Variants in NFASC observed in about 807,000 individuals in gnomAD.
NFASC encodes the protein neurofascin.
A neutral mutation model predicts 147.5 loss-of-function variants in NFASC; 43 were observed. The observed-to-expected ratio is 0.29, with a 90% confidence interval of 0.23 to 0.38. The LOEUF is 0.38. Ranked by LOEUF, NFASC falls within the 10% of genes least tolerant of loss-of-function variation. The pLI is 1.00. For synonymous variants in NFASC, 622 were observed against 665.5 expected, an observed-to-expected ratio of 0.93 and a Z score of 1.01; for missense variants, 1,320 against 1,689.0, an observed-to-expected ratio of 0.78 and a Z score of 3.83.
Position 204,974,191 on chromosome 1 carries a change from G to A in NFASC, c.1292G>A (p.Arg431Gln), listed in dbSNP as rs555121823. ...CTGGGAATTTCAGATGTGCCGCCTC[G>A]GATGCTGTCGCCCCGGAACCAGCTC... is the stretch of plus-strand genomic sequence containing the variant. ...AFVSVLDVPPRMLSPRNQLIR... is the reference protein window; with the variant it reads ...AFVSVLDVPPQMLSPRNQLIR... The change falls in exon 13 of 30, where the codon CGG (arginine) becomes CAG (glutamine). Residue 431 changes from arginine (R) to glutamine (Q), a missense_variant. Arg to Gln is a conservative substitution (Grantham distance 43). This residue lies in a region of NFASC where 981 missense variants were observed against 1,289.5 expected (regional missense o/e 0.76). Transcript: ENST00000339876. 53 of 1,613,642 alleles carry A rather than the reference G, an allele frequency of 3.3e-5. No homozygotes were observed. The highest frequency in any genetic ancestry group is 8.9e-5 in the East Asian group (4 of 44,860).
rs892418111 is a variant in NFASC at position 205,015,802 on chromosome 1, C to A, written c.3492-506C>A. Among the ~76,000 whole-genome samples, 1 of 152,060 alleles carries A rather than the reference C, an allele frequency of 6.6e-6. No homozygotes were observed. The highest frequency in any genetic ancestry group is 1.5e-5 in the Non-Finnish European group (1 of 68,016). On this transcript the variant is annotated intron_variant, in intron 29 of 29. Transcript: ENST00000339876. This position sits in a 1 kb window ranked among gnomAD's most constrained non-coding sequence, Gnocchi z 4.0. Reference sequence around the variant, plus strand: ...AGAGAGGTGAGGGAGAGGTTTGTTCCTTTAAAAGCCTTGCTTGTTGTCAAG... The same window carrying A: ...AGAGAGGTGAGGGAGAGGTTTGTTCATTTAAAAGCCTTGCTTGTTGTCAAG...
intron 1 of NFASC, among the ~76,000 whole-genome samples, chr1:204,841,599 G>A (rs1320409298): frequency 2.0e-5 from 3 of 152,194 alleles, no homozygotes; most frequent in Admixed American, 6.5e-5. Context: ...ATCACCACCT[G>A]CCACCACTGT....
chr1:204,882,601 C>A (rs539947632), intron 1 of NFASC, among the ~76,000 whole-genome samples: 1 of 152,258 alleles, frequency 6.6e-6, no homozygotes, highest in South Asian at 2.1e-4. Context: ...CCCGTCTCCC[C>A]CACTGGAAGG....
intron 1 of NFASC, among the ~76,000 whole-genome samples, chr1:204,905,448 A>G (rs189845784): frequency 2.4e-4 from 36 of 151,966 alleles, no homozygotes; most frequent in African/African-American, 8.2e-4. Flanking sequence ...ATTTCCCTAA[A>G]GATTAGTGAC....
chr1:205,001,446 G>A (rs1160083280), intron 26 of NFASC, among the ~76,000 whole-genome samples, 160 bp downstream of exon 26: 1 of 152,146 alleles, frequency 6.6e-6, no homozygotes, highest in Non-Finnish European at 1.5e-5. Flanking sequence ...ATGCACTCAG[G>A]CGGCAGTGAG....
chr1:204,836,077 T>C (rs1211981073), intron 1 of NFASC, among the ~76,000 whole-genome samples: 1 of 152,114 alleles, frequency 6.6e-6, no homozygotes, highest in Non-Finnish European at 1.5e-5. Context: ...AATTTCAGGG[T>C]CAGAGAATTT....
intron 1 of NFASC, chr1:204,870,917 A>G: frequency 8.2e-7 from 1 of 1,215,708 alleles, no homozygotes; most frequent in African/African-American, 1.6e-5. Flanking sequence ...TTCAGGGAAA[A>G]GAAGGATCTT....
At chr1:204,839,770 T>C (rs1483121731) in intron 1 of NFASC, among the ~76,000 whole-genome samples, 1 of 152,180 alleles carries the variant, frequency 6.6e-6, no homozygotes, top group African/African-American at 2.4e-5. Context: ...ACTTAAATGG[T>C]GACAGAGCCT....
intron 3 of NFASC, chr1:204,945,096 G>A (rs2093625894): frequency 6.6e-6 from 1 of 152,198 alleles, no homozygotes; most frequent in Non-Finnish European, 1.5e-5. Context: ...AAAGTAAGGG[G>A]CTTAAAATGC....
intron 17 of NFASC, among the ~76,000 whole-genome samples, chr1:204,978,464 C>T (rs1178880782): frequency 6.6e-6 from 1 of 152,160 alleles, no homozygotes; most frequent in African/African-American, 2.4e-5. Flanking sequence ...TTTGTTGCCC[C>T]CACTCCCCTA....
rs767453033 is a variant in NFASC, at chr1:204,970,688, G to A, written c.1076G>A (p.Arg359Gln). The A allele has an allele frequency of 2.5e-6, 4 of 1,614,148 alleles. No homozygotes were observed. The highest frequency in any genetic ancestry group is 3.4e-6 in the Non-Finnish European group (4 of 1,180,028). ...GGCGAGGATGGGAGACTGGTGTGTC[G>A]AGCCAATGGAAACCCCAAACCCACT... ...APGEDGRLVC[R>Q]ANGNPKPTVQ... is the part of the protein sequence containing the mutation. The change falls in exon 11 of 30, where the codon CGA (arginine) becomes CAA (glutamine). Residue 359 changes from arginine (R) to glutamine (Q), a missense_variant. Arg to Gln is a conservative substitution (Grantham distance 43). Around this residue, in one of 3 missense-constraint regions of NFASC, gnomAD observed 981 missense variants for 1,289.5 expected, o/e 0.76. Coordinates refer to ENST00000339876, the MANE Select transcript of NFASC (RefSeq NM_001005388.3).
intron 1 of NFASC, among the ~76,000 whole-genome samples, chr1:204,885,644 G>C (rs1329259179): frequency 6.6e-6 from 1 of 152,216 alleles, no homozygotes; most frequent in Non-Finnish European, 1.5e-5. Flanking sequence ...TGACATCACA[G>C]CCTGGTGGGT....
chr1:204,998,837 C>G lies in NFASC; in HGVS notation c.3019+1431C>G, dbSNP rs946941701. ...GCTTCCCCAGCAAAGAGTTACTTGC[C>G]TTCTGAAACACAGGCCTTGTTGCCA... On this transcript the variant is annotated intron_variant, in intron 25 of 29. Transcript: ENST00000339876. 3.3e-5 allele frequency: 5 copies of G among 152,178 alleles called. No individual in the cohort carries two copies. In the East Asian group the frequency reaches 7.7e-4, roughly 23 times the overall value. The allele number at this position is 152,178 out of a possible 1,614,324, so 9.4% of individuals were successfully genotyped here.
intron 1 of NFASC, among the ~76,000 whole-genome samples, chr1:204,856,414 T>TGA (rs2076166315): frequency 6.6e-6 from 1 of 151,636 alleles, no homozygotes; most frequent in African/African-American, 2.4e-5. Flanking sequence ...TGTGTGTGTG[T>TGA]GTGTGATTGT....
chr1:204,853,887 C>G (rs973458089), intron 1 of NFASC, among the ~76,000 whole-genome samples: 60 of 152,152 alleles, frequency 3.9e-4, no homozygotes, highest in African/African-American at 1.4e-3. Flanking sequence ...GGGAACCCAT[C>G]CATAGGGGAG....
intron 20 of NFASC, 24 bp downstream of exon 20, chr1:204,980,464 T>C: frequency 6.3e-7 from 1 of 1,584,336 alleles, no homozygotes; most frequent in Non-Finnish European, 8.6e-7. Context: ...CCAGCCCCAG[T>C]GGAGCAGCTC....
Position 205,009,699 on chromosome 1 carries a change from C to A in NFASC, c.3421+11C>A, listed in dbSNP as rs772613649. 2.5e-6 allele frequency: 4 copies of A among 1,612,876 alleles called. No homozygotes were observed. The African/African-American group carries it at 5.3e-5, about 22-fold the overall frequency. On this transcript the variant is annotated intron_variant, in intron 28 of 29. Transcript: ENST00000339876. ...GCGGCAAGTACCCAGGTGAGATGTG[C>A]AAGAGGCGTGGGCTTGCAGGGTGGG...
At chr1:205,007,503 A>T (rs987675829) in intron 27 of NFASC, among the ~76,000 whole-genome samples, 3 of 150,436 alleles carry the variant, frequency 2.0e-5, no homozygotes, top group Non-Finnish European at 4.4e-5. Flanking sequence ...AAAGGGAGGG[A>T]GGGAAGGAAG....
chr1:204,981,900 T>G lies in NFASC; in HGVS notation c.2350T>G (p.Ser784Ala). ...CTGGAACAACGTCACAGTGTGGGGC[T>G]CTCGCTACGTGGTGGGGCAGACCCC... ...EAWNNVTVWG[S>A]RYVVGQTPVY... The change falls in exon 21 of 30, where the codon TCT becomes GCT. Residue 784 changes from serine (S) to alanine (A), a missense_variant. This residue lies in a region of NFASC where 981 missense variants were observed against 1,289.5 expected (regional missense o/e 0.76). Transcript: ENST00000339876. 6.2e-7 allele frequency: 1 copy of G among 1,608,262 alleles called. No homozygotes were observed. The highest frequency in any genetic ancestry group is 1.1e-5 in the South Asian group (1 of 89,928).
Sources: gnomAD v4.1 joint callset for allele counts (sites outside exome capture counted in the v4.1 genomes callset) on GRCh38, gnomAD v4.1.1 for gene constraint, gnomAD v4.1.1 regional missense constraint, Gnocchi (gnomAD v3.1) non-coding constraint, MANE v1.5 for transcripts, NCBI Gene and HGNC (gene_info 2026-07-23, HGNC 2026-07-21) for gene names.